SMYD3: variants seen among roughly 807,000 people sequenced by gnomAD.
SMYD3 encodes histone-lysine N-methyltransferase SMYD3.
Under a neutral mutation model 57.7 loss-of-function variants are expected in SMYD3, and 36 were observed. That is an observed-to-expected ratio of 0.62 (90% CI 0.48 to 0.82). SMYD3 has a LOEUF of 0.82. Among genes scored for constraint, SMYD3 ranks in the 40% least tolerant of loss-of-function variants. The pLI, the probability that SMYD3 is intolerant of heterozygous loss-of-function variation, is 0.00. For missense variants in SMYD3, 515 were observed against 538.8 expected (o/e 0.96, Z 0.44); for synonymous variants, 211 against 195.0 (o/e 1.08, Z -0.68).
At chr1:246,019,007 A>AT (rs912182754) in intron 5 of SMYD3, among the ~76,000 whole-genome samples, 4 of 151,836 alleles carry the variant, frequency 2.6e-5, no homozygotes, top group East Asian at 1.9e-4. Context: ...TTCTTGACTT[A>AT]TTTTTTTTAA....
chr1:246,474,903 G>A (rs1043755270), intron 1 of SMYD3, among the ~76,000 whole-genome samples: 1 of 152,206 alleles, frequency 6.6e-6, no homozygotes, highest in Non-Finnish European at 1.5e-5. Context: ...GGACTGGTAA[G>A]AACTAAGAAA....
At chr1:246,142,989 T>C in intron 5 of SMYD3, among the ~76,000 whole-genome samples, 1 of 152,290 alleles carries the variant, frequency 6.6e-6, no homozygotes, top group East Asian at 1.9e-4. Context: ...CTCTTAATTG[T>C]GTAAGACCCA....
intron 5 of SMYD3, among the ~76,000 whole-genome samples, chr1:246,075,941 G>GAAA (rs34386298): frequency 2.3e-4 from 21 of 92,956 alleles, no homozygotes; most frequent in Non-Finnish European, 4.3e-4. Flanking sequence ...CATATAGCAA[G>GAAA]AAAAAAAAAA....
At chr1:246,307,929 A>G (rs1463743728) in intron 5 of SMYD3, among the ~76,000 whole-genome samples, 1 of 152,104 alleles carries the variant, frequency 6.6e-6, no homozygotes, top group Non-Finnish European at 1.5e-5. Context: ...AACTCCAGGT[A>G]CCTCGGTAGC....
At chr1:246,063,851 G>A (rs376067044) in intron 5 of SMYD3, among the ~76,000 whole-genome samples, 18 of 151,986 alleles carry the variant, frequency 1.2e-4, no homozygotes, top group East Asian at 3.9e-4. Context: ...TGTTCCCTAC[G>A]CCAGTCTCGA....
intron 8 of SMYD3, among the ~76,000 whole-genome samples, chr1:245,904,321 A>G (rs1189208194): frequency 6.6e-6 from 1 of 152,116 alleles, no homozygotes; most frequent in East Asian, 1.9e-4. Flanking sequence ...TATGATTTTA[A>G]GTTTCCTGAG....
chr1:246,402,143 G>A (rs1306236039), intron 1 of SMYD3, among the ~76,000 whole-genome samples: 1 of 152,064 alleles, frequency 6.6e-6, no homozygotes, highest in Admixed American at 6.6e-5. Context: ...AAAAGACAGA[G>A]TTGTGATATT....
chr1:245,943,242 C>T (rs1177999784), intron 5 of SMYD3, among the ~76,000 whole-genome samples: 1 of 144,126 alleles, frequency 6.9e-6, no homozygotes, highest in Non-Finnish European at 1.5e-5. Flanking sequence ...ATAAAATAGG[C>T]CACTAGCTAG....
chr1:246,101,064 GTTTTTTGTTTTT>G (rs1160248113), intron 5 of SMYD3, among the ~76,000 whole-genome samples: 5 of 78,564 alleles, frequency 6.4e-5, no homozygotes, highest in South Asian at 3.6e-4. Context: ...ATTTTTAGGG[GTTTTTTGTTTTT>G]TTTTTTTTTT....
At chr1:245,757,549 G>A (rs1264171444) in intron 11 of SMYD3, among the ~76,000 whole-genome samples, 1 of 152,078 alleles carries the variant, frequency 6.6e-6, no homozygotes, top group East Asian at 1.9e-4. Flanking sequence ...TAAGAGTCTA[G>A]TAGAAGCTTT....
intron 7 of SMYD3, among the ~76,000 whole-genome samples, chr1:245,924,708 G>A (rs2056247415): frequency 6.7e-6 from 1 of 149,550 alleles, no homozygotes; most frequent in Non-Finnish European, 1.5e-5. Flanking sequence ...TGTCGCCCAG[G>A]CTGGAGTGCA....
chr1:245,963,552 C>T (rs2058064360), intron 5 of SMYD3, among the ~76,000 whole-genome samples: 1 of 151,414 alleles, frequency 6.6e-6, no homozygotes, highest in East Asian at 1.9e-4. Flanking sequence ...TTTCCAGGAG[C>T]TCTAGCAGGG....
At chr1:246,273,891 T>C (rs553487477) in intron 5 of SMYD3, among the ~76,000 whole-genome samples, 8 of 152,290 alleles carry the variant, frequency 5.3e-5, no homozygotes, top group African/African-American at 1.7e-4. Flanking sequence ...ATCTCTCCTA[T>C]TGCTTTCCTA....
At chr1:246,079,594 T>C in intron 5 of SMYD3, among the ~76,000 whole-genome samples, 1 of 152,214 alleles carries the variant, frequency 6.6e-6, no homozygotes, top group East Asian at 1.9e-4. Context: ...GCGCCTTGTA[T>C]ATCATCATCC....
At chr1:246,226,786 A>T (rs1470107371) in intron 5 of SMYD3, among the ~76,000 whole-genome samples, 1 of 152,220 alleles carries the variant, frequency 6.6e-6, no homozygotes, top group Non-Finnish European at 1.5e-5. Context: ...TAAAGTGGAG[A>T]TATGCAAGTA....
At chr1:246,001,047 C>A (rs756198685) in intron 5 of SMYD3, among the ~76,000 whole-genome samples, 3 of 152,194 alleles carry the variant, frequency 2.0e-5, no homozygotes, top group Non-Finnish European at 4.4e-5. Flanking sequence ...CCACTTCACT[C>A]AAGTCTTACG....
At chr1:246,477,642 T>C (rs1228003236) in intron 1 of SMYD3, among the ~76,000 whole-genome samples, 1 of 152,252 alleles carries the variant, frequency 6.6e-6, no homozygotes, top group African/African-American at 2.4e-5. Context: ...ATAGATATTA[T>C]AGAACCATTT....
chr1:245,789,497 A>G (rs1006982034), intron 10 of SMYD3, among the ~76,000 whole-genome samples: 2 of 152,236 alleles, frequency 1.3e-5, no homozygotes, highest in African/African-American at 4.8e-5. Context: ...ATAGAATTCA[A>G]TGAATGATTG....
intron 8 of SMYD3, among the ~76,000 whole-genome samples, chr1:245,903,202 A>T (rs574636923): frequency 4.6e-5 from 7 of 152,334 alleles, no homozygotes; most frequent in East Asian, 3.9e-4. Context: ...TAAAAAATAT[A>T]ATCGAGAAGC....
Sources: gnomAD v4.1 joint callset for allele counts (sites outside exome capture counted in the v4.1 genomes callset) on GRCh38, gnomAD v4.1.1 for gene constraint, MANE v1.5 for transcripts, NCBI Gene and HGNC (gene_info 2026-07-23, HGNC 2026-07-21) for gene names.